SLC4A4: variants seen among roughly 807,000 people sequenced by gnomAD.
The protein encoded by SLC4A4 is solute carrier family 4 member 4.
A neutral mutation model predicts 111.5 loss-of-function variants in SLC4A4; 27 were observed. The ratio of observed to expected loss-of-function variants is 0.24; its 90% CI spans 0.18 to 0.33. The LOEUF is 0.33. SLC4A4 is among the 10% of genes least tolerant of loss of function. The pLI is 1.00. For missense variants in SLC4A4, 909 were observed against 1,315.5 expected (o/e 0.69, Z 4.78); for synonymous variants, 443 against 463.4 (o/e 0.96, Z 0.57).
intron 2 of SLC4A4, among the ~76,000 whole-genome samples, chr4:71,155,162 CA>C (rs1230364234): frequency 6.6e-6 from 1 of 151,888 alleles, no homozygotes; most frequent in Non-Finnish European, 1.5e-5. Flanking sequence ...TGAAAGCCAC[CA>C]ACCCAGATAA....
At chr4:71,288,645 C>T (rs1435159821) in intron 3 of SLC4A4, among the ~76,000 whole-genome samples, 1 of 152,006 alleles carries the variant, frequency 6.6e-6, no homozygotes, top group African/African-American at 2.4e-5. Context: ...GTGATCCACC[C>T]CCCTTGGCCT....
At position 71,395,557 on chromosome 4, in the gene SLC4A4, C is replaced by T. The variant is rs73828139; in HGVS notation, c.731-2020C>T. Among the ~76,000 whole-genome samples, 1,165 of 152,094 alleles carry T rather than the reference C, an allele frequency of 7.7e-3. 16 individuals are homozygous for T. The highest frequency in any genetic ancestry group is 0.025 in the African/African-American group (1,027 of 41,488). On this transcript the variant is annotated intron_variant, in intron 6 of 25. Transcript: ENST00000264485. ...TTCAGAAATGCGAAGAATGATGAGA[C>T]GGTATATAAGGTTTCTTGGAAAAGC...
intron 6 of SLC4A4, among the ~76,000 whole-genome samples, chr4:71,381,763 C>A (rs139497148): frequency 1.3e-5 from 2 of 152,120 alleles, no homozygotes; most frequent in Non-Finnish European, 2.9e-5. Context: ...GTCACCCAGG[C>A]TGGAGTGAGG....
chr4:71,366,061 A>G (rs1731268094), intron 6 of SLC4A4, among the ~76,000 whole-genome samples: 1 of 152,216 alleles, frequency 6.6e-6, no homozygotes, highest in African/African-American at 2.4e-5. Context: ...AACATGGCAG[A>G]CAGATGATTG....
chr4:71,206,990 A>G (rs937482728), intron 1 of SLC4A4, among the ~76,000 whole-genome samples: 1 of 152,126 alleles, frequency 6.6e-6, no homozygotes, highest in Non-Finnish European at 1.5e-5. Context: ...TGGGGAATTC[A>G]CTTGACATCC....
chr4:71,146,665 GTTC>G (rs1335984541), intron 2 of SLC4A4, among the ~76,000 whole-genome samples: 1 of 152,094 alleles, frequency 6.6e-6, no homozygotes, highest in Non-Finnish European at 1.5e-5. Flanking sequence ...AGGATAGTTA[GTTC>G]TTCTTGTTGA....
intron 1 of SLC4A4, among the ~76,000 whole-genome samples, chr4:71,070,771 A>G (rs1163890322): frequency 6.6e-6 from 1 of 152,212 alleles, no homozygotes; most frequent in Middle Eastern, 3.2e-3. Flanking sequence ...ATGAGTGAAG[A>G]TGAACCTAGA....
intron 16 of SLC4A4, among the ~76,000 whole-genome samples, chr4:71,525,741 A>G (rs1733362394): frequency 6.6e-6 from 1 of 152,058 alleles, no homozygotes. Context: ...ACTTTTAACC[A>G]TTACCAGTAA....
chr4:71,480,383 AAAG>A (rs2077161787), intron 14 of SLC4A4, among the ~76,000 whole-genome samples: 7 of 151,640 alleles, frequency 4.6e-5, no homozygotes, highest in Admixed American at 4.6e-4. Context: ...GAAAAAAAAA[AAAG>A]AAAAACTTAC....
intron 4 of SLC4A4, among the ~76,000 whole-genome samples, chr4:71,348,242 C>T (rs562304448): frequency 8.9e-4 from 135 of 151,102 alleles, no homozygotes; most frequent in Non-Finnish European, 1.7e-3. Context: ...ATAAAATTGT[C>T]GTTTTTTTTC....
chr4:71,565,083 C>T (rs1470426872), intron 24 of SLC4A4, among the ~76,000 whole-genome samples: 1 of 151,586 alleles, frequency 6.6e-6, no homozygotes, highest in Non-Finnish European at 1.5e-5. Flanking sequence ...GGGAGTGGGC[C>T]CAAGAATAGG....
At chr4:71,143,417 A>G (rs1465468035) in intron 2 of SLC4A4, among the ~76,000 whole-genome samples, 1 of 152,140 alleles carries the variant, frequency 6.6e-6, no homozygotes, top group East Asian at 1.9e-4. Flanking sequence ...ATACGTGTGC[A>G]TGTGTCTTTA....
At chr4:71,447,594 T>G in intron 8 of SLC4A4, 52 bp from the exon 9 acceptor site, 9 of 1,109,024 alleles carry the variant, frequency 8.1e-6, no homozygotes, top group Non-Finnish European at 1.1e-5. Context: ...TTATGTATGT[T>G]GAGTTTGATG....
chr4:71,203,704 A>G (rs557252320), intron 1 of SLC4A4, among the ~76,000 whole-genome samples: 2 of 152,336 alleles, frequency 1.3e-5, no homozygotes, highest in African/African-American at 4.8e-5. Flanking sequence ...TGTTGATCCA[A>G]AACACTTGTT....
chr4:71,248,872 A>T (rs1173226814), intron 2 of SLC4A4, among the ~76,000 whole-genome samples: 1 of 152,178 alleles, frequency 6.6e-6, no homozygotes, highest in Non-Finnish European at 1.5e-5. Flanking sequence ...TTTTATTAAA[A>T]ATGAGCTCTT....
At chr4:71,342,699 G>A (rs564304593) in intron 4 of SLC4A4, among the ~76,000 whole-genome samples, 17 of 152,238 alleles carry the variant, frequency 1.1e-4, no homozygotes, top group African/African-American at 3.4e-4. Flanking sequence ...CAGACCATAC[G>A]TTATTTTACA....
intron 16 of SLC4A4, among the ~76,000 whole-genome samples, chr4:71,529,047 G>A (rs574934417): frequency 3.9e-5 from 6 of 152,044 alleles, no homozygotes; most frequent in Admixed American, 6.6e-5. Context: ...AGGCATGTGC[G>A]ATAGTTAATG....
At chr4:71,532,321 T>G (rs1734006446) in intron 17 of SLC4A4, 146 bp downstream of exon 17, 1 of 663,432 alleles carries the variant, frequency 1.5e-6, no homozygotes, top group African/African-American at 1.8e-5. Flanking sequence ...GGCTCATATA[T>G]ACATGTAGTT....
At chr4:71,249,844 A>G (rs1026718025) in intron 2 of SLC4A4, among the ~76,000 whole-genome samples, 14 of 151,660 alleles carry the variant, frequency 9.2e-5, no homozygotes, top group Admixed American at 3.3e-4. Context: ...AGATCGTGCT[A>G]CTGCACTCCA....
Sources: gnomAD v4.1 joint callset for allele counts (sites outside exome capture counted in the v4.1 genomes callset) on GRCh38, gnomAD v4.1.1 for gene constraint, MANE v1.5 for transcripts, NCBI Gene and HGNC (gene_info 2026-07-23, HGNC 2026-07-21) for gene names.